GUCY2F: variants seen among roughly 807,000 people sequenced by gnomAD.
GUCY2F encodes guanylate cyclase 2F, retinal.
Under a neutral mutation model 73.1 loss-of-function variants are expected in GUCY2F, and 61 were observed. The observed-to-expected ratio is 0.83, with a 90% CI of 0.68 to 1.03. The LOEUF (loss-of-function observed/expected upper bound fraction) is 1.03, where lower values mean the gene tolerates loss of function less well. GUCY2F is among the 50% of genes least tolerant of loss of function. The pLI, the probability that GUCY2F is intolerant of heterozygous loss-of-function variation, is 0.00. For synonymous variants in GUCY2F, 331 were observed against 307.8 expected (o/e 1.08, Z -0.79); for missense variants, 912 against 854.3 (o/e 1.07, Z -0.84).
chrX:109,404,403 G>A lies in GUCY2F; in HGVS notation c.2050C>T (p.Leu684=), dbSNP rs147122042. 67 of 1,183,875 alleles carry A rather than the reference G, an allele frequency of 5.7e-5. No individual in the cohort carries two copies. Among genetic ancestry groups the A allele is most frequent in the Admixed American group, 3.5e-4 (16 of 45,707 alleles). Residue 684 remains leucine (L), a synonymous_variant, in exon 10 of 20, where the codon CTA becomes TTA. Coordinates refer to ENST00000218006, the MANE Select transcript of GUCY2F (RefSeq NM_001522.3). ...TTAAAGCCATAATCTGTCACTTTTA[G>A]TACAAAACGCCCATCTACCACACAG... ...RNCVVDGRFV[L]KVTDYGFNDI...
At chrX:109,379,333 T>C (rs1238500735) in intron 17 of GUCY2F, among the ~76,000 whole-genome samples, 2 of 111,522 alleles carry the variant, frequency 1.8e-5, no homozygotes, top group Admixed American at 1.9e-4. Flanking sequence ...TAGTTAATAA[T>C]GCTGTACATT....
intron 7 of GUCY2F, among the ~76,000 whole-genome samples, chrX:109,431,568 G>A (rs1200249976): frequency 9.1e-6 from 1 of 110,004 alleles, no homozygotes; most frequent in Non-Finnish European, 1.9e-5. Context: ...GCGTGGTGGC[G>A]GGCGCCTGTA....
chrX:109,478,072 T>C (rs1350273303), intron 1 of GUCY2F, among the ~76,000 whole-genome samples: 1 of 112,012 alleles, frequency 8.9e-6, no homozygotes, highest in Non-Finnish European at 1.9e-5. Flanking sequence ...GCTGATTATA[T>C]GCATAAGAGC....
rs1338153709 is a variant in GUCY2F at position 109,395,442 on chromosome X, C to T, written c.2323G>A (p.Val775Ile). 7 of 1,198,256 alleles carry T rather than the reference C, an allele frequency of 5.8e-6. No individual in the cohort carries two copies. Among genetic ancestry groups the T allele is most frequent in the Non-Finnish European group, 7.9e-6 (7 of 883,064 alleles). The change falls in exon 12 of 20, where the codon GTT becomes ATT. Residue 775 changes from valine (V) to isoleucine (I), a missense_variant. By Grantham distance (29) the Val-to-Ile change is conservative. Transcript: ENST00000218006. Reference sequence around the variant, plus strand: ...TCTGGAGGGGCATGCTCAGGAGGAACTACTGGTCTGTACACAGGAGGAGGC... The same window carrying T: ...TCTGGAGGGGCATGCTCAGGAGGAATTACTGGTCTGTACACAGGAGGAGGC... ...KKPPPVYRPV[V>I]PPEHAPPECL...
chrX:109,394,829 A>G (rs900278013), intron 12 of GUCY2F, among the ~76,000 whole-genome samples: 3 of 111,916 alleles, frequency 2.7e-5, no homozygotes, highest in African/African-American at 9.8e-5. Context: ...CTGCTTTTGC[A>G]CGCCACATTT....
At chrX:109,405,967 T>C (rs1930963723) in intron 9 of GUCY2F, among the ~76,000 whole-genome samples, 1 of 111,254 alleles carries the variant, frequency 9.0e-6, no homozygotes, top group East Asian at 2.8e-4. Flanking sequence ...ATCACACCTA[T>C]CTTAAAGGGA....
chrX:109,479,730 T>G lies in GUCY2F; in HGVS notation c.-86+2136A>C, dbSNP rs538626442. ...CATTTTTAATTTTGGCCTGGAATCC[T>G]CTGTCAAGCTTCTGTGATGTGAAGA... On this transcript the variant is annotated intron_variant, in intron 1 of 19. Transcript: ENST00000218006. Among the ~76,000 whole-genome samples, 134 of 111,860 alleles carry G rather than the reference T, an allele frequency of 1.2e-3. No homozygotes were observed. In the Middle Eastern group the frequency reaches 0.014, roughly 12 times the overall value.
rs1304439990 is a variant in GUCY2F, at chrX:109,482,040, A to G, written c.-260T>C. ...GGTAAATAATTGAAAGCGTTAGTAA[A>G]TGTTTTGAAAATCACTCTTCAGCAT... is the stretch of plus-strand genomic sequence containing the variant. On this transcript the variant is annotated 5_prime_UTR_variant, in exon 1 of 20. Transcript: ENST00000218006. 1 of 112,050 alleles carries G rather than the reference A, an allele frequency of 8.9e-6. No individual in the cohort carries two copies. The highest frequency in any genetic ancestry group is 1.9e-5 in the Non-Finnish European group (1 of 53,209). 9.2% of individuals were successfully genotyped at this position (112,050 alleles called of 1,213,427 possible).
intron 5 of GUCY2F, among the ~76,000 whole-genome samples, chrX:109,449,953 CAG>C (rs956267846): frequency 8.1e-5 from 9 of 110,707 alleles, no homozygotes; most frequent in Admixed American, 2.9e-4. Context: ...AAGGAAGGAA[CAG>C]AGAGTTACTC....
At chrX:109,395,511 A>G (rs1313981093) in intron 11 of GUCY2F, 22 bp from the exon 12 acceptor site, 2 of 1,171,896 alleles carry the variant, frequency 1.7e-6, no homozygotes, top group African/African-American at 3.6e-5. Context: ...CGAGAAGAGA[A>G]CCGTTTACAA....
In GUCY2F at chrX:109,453,628, A is replaced by G. The variant is rs1932188495; in HGVS notation, c.1264T>C (p.Tyr422His). Residue 422 changes from tyrosine (Y) to histidine (H), a missense_variant, in exon 4 of 20, where the codon TAC becomes CAC. Tyr to His is a moderately conservative substitution (Grantham distance 83, BLOSUM62 2). Coordinates refer to ENST00000218006, the MANE Select transcript of GUCY2F (RefSeq NM_001522.3). ...AGCTCCATTTCCATGTCCACAGTGT[A>G]GGTGCTATGGAGTTCCCATTCTTTC... is the stretch of plus-strand genomic sequence containing the variant. ...NLKEWELHSTYTVDMEMELLR... is the reference protein window; with the variant it reads ...NLKEWELHSTHTVDMEMELLR... 1 of 1,194,087 alleles carries G rather than the reference A, an allele frequency of 8.4e-7. No homozygotes were observed.
Position 109,448,149 on chromosome X carries a change from T to G in GUCY2F, c.1489A>C (p.Ile497Leu). 9.3e-7 allele frequency: 1 copy of G among 1,080,875 alleles called. No homozygotes were observed. The highest frequency in any genetic ancestry group is 2.5e-4 in the Middle Eastern group (1 of 4,080). 89.1% of individuals were successfully genotyped at this position (1,080,875 alleles called of 1,213,427 possible). A position where few individuals can be genotyped will look rare whatever the true frequency, so the allele number is the denominator to read the frequency against. Reference sequence around the variant, plus strand: ...CTATTGGGTCCTTTGATCAACTGGATTTTATTTATACGACGCCTAAAACAA... The same window carrying G: ...CTATTGGGTCCTTTGATCAACTGGAGTTTATTTATACGACGCCTAAAACAA... ...AYFIRRRINK[I>L]QLIKGPNRIL... is the part of the protein sequence containing the mutation. Residue 497 changes from isoleucine (I) to leucine (L), a missense_variant, in exon 6 of 20, where the codon ATC becomes CTC. By Grantham distance (5) the Ile-to-Leu change is conservative. Coordinates refer to ENST00000218006, the MANE Select transcript of GUCY2F (RefSeq NM_001522.3).
chrX:109,429,960 A>G (rs1931573539), intron 8 of GUCY2F, among the ~76,000 whole-genome samples: 1 of 112,738 alleles, frequency 8.9e-6, no homozygotes, highest in African/African-American at 3.2e-5. Context: ...GAAATGCGCA[A>G]GATGCTTTAC....
chrX:109,385,293 T>G lies in GUCY2F; in HGVS notation c.2957-11A>C. 9.8e-7 allele frequency: 1 copy of G among 1,023,808 alleles called. No individual in the cohort carries two copies. Among genetic ancestry groups the G allele is most frequent in the Non-Finnish European group, 1.4e-6 (1 of 731,541 alleles). The allele number at this position is 1,023,808 out of a possible 1,213,427, so 84.4% of individuals were successfully genotyped here. A position where few individuals can be genotyped will look rare whatever the true frequency, so the allele number is the denominator to read the frequency against. On this transcript the variant is annotated splice_polypyrimidine_tract_variant and intron_variant, in intron 15 of 19. Coordinates refer to ENST00000218006, the MANE Select transcript of GUCY2F (RefSeq NM_001522.3). ...CAGCAACAACCGGCCCTATAGAGTA[T>G]CAGGGGGTTGGAATTACAGTCAACA...
At chrX:109,458,036 G>A (rs974605902) in intron 3 of GUCY2F, among the ~76,000 whole-genome samples, 1 of 111,588 alleles carries the variant, frequency 9.0e-6, no homozygotes, top group Non-Finnish European at 1.9e-5. Context: ...ACTAAATTAA[G>A]AAGTTCATCA....
intron 18 of GUCY2F, 43 bp downstream of exon 18, chrX:109,376,036 G>A: frequency 8.7e-7 from 1 of 1,154,054 alleles, no homozygotes; most frequent in East Asian, 3.0e-5. Flanking sequence ...GTGTGGCAGA[G>A]TATGGCATAG....
intron 1 of GUCY2F, among the ~76,000 whole-genome samples, chrX:109,477,539 G>A (rs1017285149): frequency 8.9e-5 from 10 of 112,430 alleles, no homozygotes; most frequent in African/African-American, 2.3e-4. Context: ...TCAATTGATA[G>A]AGGGTAATTT....
intron 3 of GUCY2F, among the ~76,000 whole-genome samples, chrX:109,457,474 A>G (rs73530249): frequency 0.022 from 2,486 of 112,226 alleles, 51 homozygotes; most frequent in African/African-American, 0.068. Flanking sequence ...AGGATAATTG[A>G]ATTCTTGTTA....
chrX:109,435,256 T>C (rs1398985778), intron 7 of GUCY2F, among the ~76,000 whole-genome samples: 5 of 110,415 alleles, frequency 4.5e-5, no homozygotes, highest in African/African-American at 1.7e-4. Context: ...TTCCTATCCA[T>C]GAGCATGGAA....
Sources: gnomAD v4.1 joint callset for allele counts (sites outside exome capture counted in the v4.1 genomes callset) on GRCh38, gnomAD v4.1.1 for gene constraint, MANE v1.5 for transcripts, NCBI Gene and HGNC (gene_info 2026-07-23, HGNC 2026-07-21) for gene names.